The following UST variants were observed in gnomAD, a reference collection of about 807,000 sequenced individuals.
UST encodes the protein uronyl 2-sulfotransferase, also known as chondroitin sulfate 2-O-sulfotransferase.
Under a neutral mutation model 45.6 loss-of-function variants are expected in UST, and 21 were observed. The ratio of observed to expected loss-of-function variants is 0.46; its 90% CI spans 0.33 to 0.66. UST has a LOEUF of 0.66. Ranked by LOEUF, UST falls within the 30% of genes least tolerant of loss-of-function variation. UST has a pLI of 0.02. For synonymous variants in UST, 215 were observed against 200.6 expected (o/e 1.07, Z -0.61); for missense variants, 463 against 512.4 (o/e 0.90, Z 0.93).
rs1775884935 is a variant in UST at position 148,747,339 on chromosome 6, A to G, written c.-92A>G. ...GGCTGCCCTCCGCGCGGCCCTCCCC[A>G]TGTGCAGCCGGCCAGCCGGGCTCTC... On this transcript the variant is annotated 5_prime_UTR_variant, in exon 1 of 8. An upstream start codon of the reference 5' UTR is lost. Coordinates refer to ENST00000367463, the MANE Select transcript of UST (RefSeq NM_005715.3). 18 of 1,338,720 alleles carry G rather than the reference A, an allele frequency of 1.3e-5. No homozygotes were observed. Among genetic ancestry groups the G allele is most frequent in the South Asian group, 1.9e-5 (1 of 51,538 alleles). 82.9% of individuals were successfully genotyped at this position (1,338,720 alleles called of 1,614,324 possible).
intron 2 of UST, among the ~76,000 whole-genome samples, chr6:148,933,719 G>A (rs1359236917): frequency 2.0e-5 from 3 of 152,198 alleles, no homozygotes; most frequent in African/African-American, 4.8e-5. Flanking sequence ...TGGTTTGATG[G>A]GCAAAGGCCA....
At chr6:148,777,090 C>T (rs1329046339) in intron 1 of UST, among the ~76,000 whole-genome samples, 2 of 152,166 alleles carry the variant, frequency 1.3e-5, no homozygotes, top group African/African-American at 4.8e-5. Context: ...CACTGGAGCT[C>T]CAAGTGCTTG....
intron 5 of UST, among the ~76,000 whole-genome samples, chr6:149,017,799 T>TATATATACAC (rs956279478): frequency 8.1e-5 from 12 of 148,810 alleles, no homozygotes; most frequent in African/African-American, 3.0e-4. Flanking sequence ...TATCCATATA[T>TATATATACAC]ACACACACAC....
chr6:148,862,404 A>T (rs2114802057), intron 1 of UST, among the ~76,000 whole-genome samples: 1 of 152,254 alleles, frequency 6.6e-6, no homozygotes, highest in South Asian at 2.1e-4. Flanking sequence ...TGCACATGAG[A>T]TGGGTCTCCT....
chr6:148,975,484 C>T (rs1780997839), intron 5 of UST, among the ~76,000 whole-genome samples: 1 of 152,218 alleles, frequency 6.6e-6, no homozygotes, highest in Non-Finnish European at 1.5e-5. Flanking sequence ...AGTTCATCTT[C>T]TTCCAATCCA....
chr6:148,991,648 C>T (rs1311915255), intron 5 of UST, among the ~76,000 whole-genome samples: 1 of 151,850 alleles, frequency 6.6e-6, no homozygotes, highest in Non-Finnish European at 1.5e-5. Context: ...ATCATTCATA[C>T]TAACATAATT....
At chr6:148,832,535 A>G (rs1777708958) in intron 1 of UST, among the ~76,000 whole-genome samples, 3 of 152,338 alleles carry the variant, frequency 2.0e-5, no homozygotes, top group Admixed American at 6.5e-5. Context: ...TCAGCATCCC[A>G]TAGAGTGAAA....
At chr6:148,850,435 G>C (rs1000751455) in intron 1 of UST, among the ~76,000 whole-genome samples, 1 of 152,122 alleles carries the variant, frequency 6.6e-6, no homozygotes, top group Non-Finnish European at 1.5e-5. Context: ...TTTCATCTAC[G>C]GAGAGCAAAC....
chr6:148,941,073 G>A (rs1392259118), intron 2 of UST, among the ~76,000 whole-genome samples: 2 of 152,182 alleles, frequency 1.3e-5, no homozygotes, highest in African/African-American at 2.4e-5. Context: ...GAGTTAAGAA[G>A]ACCAACATTT....
chr6:148,938,905 A>G (rs542875773), intron 2 of UST, among the ~76,000 whole-genome samples: 1 of 152,110 alleles, frequency 6.6e-6, no homozygotes. Context: ...GAAAGGAAAG[A>G]CATTCATATT....
chr6:149,056,186 C>T (rs1776564218), intron 7 of UST, among the ~76,000 whole-genome samples: 1 of 113,620 alleles, frequency 8.8e-6, no homozygotes, highest in Non-Finnish European at 1.7e-5. Flanking sequence ...GTGGCGTTAG[C>T]TCACTGCAAC....
At chr6:148,881,797 A>T (rs373383740) in intron 1 of UST, among the ~76,000 whole-genome samples, 1 of 152,150 alleles carries the variant, frequency 6.6e-6, no homozygotes, top group Non-Finnish European at 1.5e-5. Context: ...CGTTTTGATA[A>T]CAGCACTCAT....
At chr6:148,850,022 A>G (rs1778074198) in intron 1 of UST, among the ~76,000 whole-genome samples, 1 of 152,188 alleles carries the variant, frequency 6.6e-6, no homozygotes. Flanking sequence ...TGCTGGGGAT[A>G]TATACCCACT....
At chr6:148,986,928 G>A (rs1781249195) in intron 5 of UST, among the ~76,000 whole-genome samples, 2 of 152,224 alleles carry the variant, frequency 1.3e-5, no homozygotes, top group African/African-American at 4.8e-5. Flanking sequence ...ATTCACTGTT[G>A]AAGGTGATGC....
chr6:148,750,574 A>C (rs533012841), intron 1 of UST, among the ~76,000 whole-genome samples: 2 of 152,204 alleles, frequency 1.3e-5, no homozygotes, highest in African/African-American at 4.8e-5. Context: ...ATTGCATAGC[A>C]CTATGGGCAG....
intron 5 of UST, among the ~76,000 whole-genome samples, chr6:148,971,916 G>A (rs1285317097): frequency 2.0e-5 from 3 of 152,244 alleles, no homozygotes; most frequent in Non-Finnish European, 2.9e-5. Context: ...AGACCAGCTA[G>A]ATAGATCAGA....
intron 5 of UST, among the ~76,000 whole-genome samples, chr6:149,017,968 C>G (rs950095898): frequency 2.0e-5 from 3 of 152,130 alleles, no homozygotes; most frequent in Non-Finnish European, 4.4e-5. Context: ...ATGCACCCCC[C>G]TATTCACTTC....
intron 5 of UST, among the ~76,000 whole-genome samples, chr6:149,006,460 T>C (rs539104213): frequency 2.0e-5 from 3 of 152,372 alleles, no homozygotes; most frequent in African/African-American, 7.2e-5. Context: ...TATTCCATGG[T>C]ATATATGTAC....
At chr6:149,064,186 G>A (rs1304880100) in intron 7 of UST, among the ~76,000 whole-genome samples, 1 of 152,134 alleles carries the variant, frequency 6.6e-6, no homozygotes, top group Non-Finnish European at 1.5e-5. Flanking sequence ...ATGGTGACAA[G>A]CCTTGTGAGC....
Sources: gnomAD v4.1 joint callset for allele counts (sites outside exome capture counted in the v4.1 genomes callset) on GRCh38, gnomAD v4.1.1 for gene constraint, MANE v1.5 for transcripts, NCBI Gene and HGNC (gene_info 2026-07-23, HGNC 2026-07-21) for gene names.